Variants in RBFOX1 observed in about 807,000 individuals in gnomAD.
RBFOX1 encodes the protein RNA binding protein fox-1 homolog 1.
Under a neutral mutation model 57.7 loss-of-function variants are expected in RBFOX1, and 8 were observed. That is an observed-to-expected ratio of 0.14 (90% confidence interval 0.08 to 0.25). The LOEUF (loss-of-function observed/expected upper bound fraction) is 0.25, where lower values mean the gene tolerates loss of function less well. Ranked by LOEUF, RBFOX1 falls within the 10% of genes least tolerant of loss-of-function variation. The pLI is 1.00. For missense variants in RBFOX1, 611 were observed against 548.5 expected (o/e 1.11, Z -1.14); for synonymous variants, 326 against 222.4 (o/e 1.47, Z -4.15).
intron 3 of RBFOX1, among the ~76,000 whole-genome samples, chr16:6,713,155 T>C (rs560627519): frequency 3.3e-5 from 5 of 152,212 alleles, no homozygotes; most frequent in Admixed American, 1.3e-4. Flanking sequence ...TGGACTAATA[T>C]GCCAATCTTT....
chr16:6,364,827 G>A (rs925737799), intron 2 of RBFOX1, among the ~76,000 whole-genome samples: 2 of 152,182 alleles, frequency 1.3e-5, no homozygotes, highest in Non-Finnish European at 2.9e-5. Context: ...GCTGACTTGG[G>A]AGAGAGTAAC....
chr16:6,831,271 G>C (rs2092690258), intron 3 of RBFOX1, among the ~76,000 whole-genome samples: 1 of 152,142 alleles, frequency 6.6e-6, no homozygotes, highest in African/African-American at 2.4e-5. Context: ...GGCTCACCCA[G>C]GTCTTATAGT....
At chr16:7,394,691 C>G (rs976849328) in intron 4 of RBFOX1, among the ~76,000 whole-genome samples, 1 of 152,174 alleles carries the variant, frequency 6.6e-6, no homozygotes, top group Non-Finnish European at 1.5e-5. Context: ...GGAGACCACG[C>G]CAGGGTTTCA....
chr16:6,037,062 A>C (rs1288276863), intron 1 of RBFOX1: 1 of 152,198 alleles, frequency 6.6e-6, no homozygotes, highest in Admixed American at 6.5e-5. Context: ...TTGGGGTGCA[A>C]CTGTATTTGG....
rs114403722 is a variant in RBFOX1 at position 6,500,160 on chromosome 16, C to T, written c.-63-154443C>T. On this transcript the variant is annotated intron_variant, in intron 2 of 15. Transcript: ENST00000550418. ...ACATTTTCTAGAAACCTTTGAGTCA[C>T]GCCAACTCTTTTTAAATACCTGGTC... Among the ~76,000 whole-genome samples the T allele has an allele frequency of 6.5e-3, 996 of 152,276 alleles. 9 individuals are homozygous for T. Among genetic ancestry groups the T allele is most frequent in the African/African-American group, 0.023 (937 of 41,548 alleles).
intron 4 of RBFOX1, among the ~76,000 whole-genome samples, chr16:6,002,318 A>G (rs2060616050): frequency 6.6e-6 from 1 of 152,176 alleles, no homozygotes. Flanking sequence ...GTCCTAGATT[A>G]ACAGGCTAAT....
intron 4 of RBFOX1, among the ~76,000 whole-genome samples, chr16:7,410,849 G>A (rs866075069): frequency 2.9e-3 from 440 of 151,982 alleles, no homozygotes; most frequent in African/African-American, 1.0e-2. Context: ...GTGTGTGTGT[G>A]TGTGTGTGTG....
At position 5,533,025 on chromosome 16, in the gene RBFOX1, T is replaced by C. The variant is rs149137920; in HGVS notation, c.258+65771T>C. ...CTCCTAATTTTTAAAAGCATTGCAA[T>C]GAGTTATATGAGAATGCATTGGAGG... On this transcript the variant is annotated intron_variant, in intron 2 of 2. Coordinates refer to the RBFOX1 transcript ENST00000585867. 2.3e-3 allele frequency among the ~76,000 whole-genome samples: 347 copies of C among 152,238 alleles called. 1 individual carries two copies. Among genetic ancestry groups the C allele is most frequent in the African/African-American group, 8.0e-3 (333 of 41,540 alleles).
intron 3 of RBFOX1, among the ~76,000 whole-genome samples, chr16:6,750,488 G>C (rs1005195732): frequency 2.6e-5 from 4 of 152,148 alleles, no homozygotes; most frequent in Admixed American, 6.5e-5. Flanking sequence ...AATATTTCTT[G>C]ACATATGTTT....
intron 1 of RBFOX1, among the ~76,000 whole-genome samples, chr16:6,297,223 G>T (rs1168356282): frequency 6.6e-6 from 1 of 152,100 alleles, no homozygotes; most frequent in Non-Finnish European, 1.5e-5. Context: ...TTTATGACCT[G>T]TATCTTGTGC....
At chr16:6,711,284 C>G (rs140894773) in intron 3 of RBFOX1, among the ~76,000 whole-genome samples, 1 of 152,304 alleles carries the variant, frequency 6.6e-6, no homozygotes, top group East Asian at 1.9e-4. Context: ...CCCCTCCCCC[C>G]ATGGCTTCTG....
At chr16:5,447,414 G>A (rs1400059193) in intron 1 of RBFOX1, among the ~76,000 whole-genome samples, 2 of 81,460 alleles carry the variant, frequency 2.5e-5, no homozygotes, top group African/African-American at 5.9e-5. Context: ...CTCTCTCGAC[G>A]CAGTCTTGCT....
chr16:7,038,335 C>G (rs11645779), intron 3 of RBFOX1, among the ~76,000 whole-genome samples: 2 of 152,012 alleles, frequency 1.3e-5, no homozygotes, highest in African/African-American at 2.4e-5. Flanking sequence ...AACCCTTGAT[C>G]ATGAGGGAAA....
At chr16:6,501,775 A>G (rs1001998456) in intron 2 of RBFOX1, among the ~76,000 whole-genome samples, 4 of 152,020 alleles carry the variant, frequency 2.6e-5, no homozygotes, top group East Asian at 3.9e-4. Context: ...TCTTTTCTAA[A>G]CTGCTAAAAT....
intron 4 of RBFOX1, among the ~76,000 whole-genome samples, chr16:7,087,375 T>G (rs974650891): frequency 1.3e-5 from 2 of 152,120 alleles, no homozygotes; most frequent in Non-Finnish European, 2.9e-5. Context: ...TGTCTGTTGA[T>G]GATCAACACC....
At chr16:5,320,203 T>A (rs1226863031) in intron 1 of RBFOX1, among the ~76,000 whole-genome samples, 1 of 152,196 alleles carries the variant, frequency 6.6e-6, no homozygotes, top group Non-Finnish European at 1.5e-5. Context: ...GAAAAATCAC[T>A]TAGCTCATTC....
chr16:6,720,351 C>G (rs2065734325), intron 3 of RBFOX1, among the ~76,000 whole-genome samples: 3 of 152,288 alleles, frequency 2.0e-5, no homozygotes, highest in Middle Eastern at 6.8e-3. Context: ...TTGAAAGTTT[C>G]CTCAGTCTTC....
At chr16:7,493,054 G>C (rs539491735) in intron 4 of RBFOX1, among the ~76,000 whole-genome samples, 2 of 152,166 alleles carry the variant, frequency 1.3e-5, no homozygotes, top group African/African-American at 4.8e-5. Flanking sequence ...AATCTTTGTA[G>C]TTTTAGTAGA....
At chr16:6,106,801 G>A (rs971933269) in intron 1 of RBFOX1, among the ~76,000 whole-genome samples, 1 of 152,074 alleles carries the variant, frequency 6.6e-6, no homozygotes, top group Non-Finnish European at 1.5e-5. Context: ...CCAAGTAGCT[G>A]GGACCACAGA....
Sources: gnomAD v4.1 joint callset for allele counts (sites outside exome capture counted in the v4.1 genomes callset) on GRCh38, gnomAD v4.1.1 for gene constraint, MANE v1.5 for transcripts, NCBI Gene and HGNC (gene_info 2026-07-23, HGNC 2026-07-21) for gene names.